IPO7: variants seen among roughly 807,000 people sequenced by gnomAD.
IPO7 encodes importin-7.
A neutral mutation model predicts 136.4 loss-of-function variants in IPO7; 13 were observed. That is an observed-to-expected ratio of 0.10 (90% CI 0.06 to 0.15). IPO7 has a LOEUF of 0.15. IPO7 is among the 10% of genes least tolerant of loss of function. The probability of loss-of-function intolerance (pLI) is 1.00; values close to 1 mark genes in which losing one functional copy is unlikely to be tolerated. For missense variants in IPO7, 857 were observed against 1,240.6 expected (o/e 0.69, Z 4.65); for synonymous variants, 403 against 404.4 (o/e 1.00, Z 0.04).
At position 9,446,385 on chromosome 11, in the gene IPO7, CT is replaced by C; in HGVS notation, c.*1193del. 6.6e-6 allele frequency: 1 copy of C among 152,316 alleles called. No homozygotes were observed. The highest frequency in any genetic ancestry group is 1.5e-5 in the Non-Finnish European group (1 of 68,040). The allele number at this position is 152,316 out of a possible 1,614,324, so 9.4% of individuals were successfully genotyped here. The stretch of plus-strand genomic sequence containing the variant: ...CCCTTTCCCCATCTCTTCTACCGCT[CT>C]TGTTGATCGTGGTATCTGATCTTGA... On this transcript the variant is annotated 3_prime_UTR_variant, in exon 25 of 25. Coordinates refer to ENST00000379719, the MANE Select transcript of IPO7 (RefSeq NM_006391.3).
intron 2 of IPO7, among the ~76,000 whole-genome samples, chr11:9,405,806 T>G (rs1854874395): frequency 6.6e-6 from 1 of 152,194 alleles, no homozygotes. Flanking sequence ...TATTTCTAAT[T>G]TAATAGAAAA....
intron 6 of IPO7, among the ~76,000 whole-genome samples, chr11:9,419,645 G>A (rs1855099409): frequency 6.8e-6 from 1 of 147,284 alleles, no homozygotes; most frequent in Non-Finnish European, 1.5e-5. Context: ...TTCAGTGATT[G>A]TATAGGAGTC....
At chr11:9,414,598 A>G in intron 5 of IPO7, 187 bp downstream of exon 5, 1 of 354,998 alleles carries the variant, frequency 2.8e-6, no homozygotes, top group Non-Finnish European at 5.0e-6. Context: ...CTCCCCAAAT[A>G]CATAAACAAC....
chr11:9,423,827 T>C lies in IPO7; in HGVS notation c.1092T>C (p.Asp364=), dbSNP rs529474841. 1.7e-5 allele frequency: 28 copies of C among 1,610,964 alleles called. No homozygotes were observed. The South Asian group carries it at 2.6e-4, about 15-fold the overall frequency. ...CATTGATGTGCTATACAGATGCTGA[T>C]GAGGAACTTTGGCAAGAAGACCCTT... ...IFPLMCYTDA[D]EELWQEDPYE... Residue 364 remains aspartate (D), a synonymous_variant, in exon 10 of 25, where the codon GAT becomes GAC. Coordinates refer to ENST00000379719, the MANE Select transcript of IPO7 (RefSeq NM_006391.3).
At chr11:9,441,037 A>G (rs564252349) in intron 23 of IPO7, among the ~76,000 whole-genome samples, 9 of 152,180 alleles carry the variant, frequency 5.9e-5, no homozygotes, top group Admixed American at 2.0e-4. Flanking sequence ...GCCCAAACCT[A>G]TACTTAACGT....
chr11:9,424,331 G>T (rs1855173495), intron 10 of IPO7, among the ~76,000 whole-genome samples: 1 of 152,146 alleles, frequency 6.6e-6, no homozygotes, highest in South Asian at 2.1e-4. Context: ...TTGTACTTTT[G>T]TGACCCTGTT....
chr11:9,403,076 A>C (rs1854825275), intron 1 of IPO7: 1 of 563,608 alleles, frequency 1.8e-6, no homozygotes, highest in African/African-American at 1.9e-5. Context: ...GCAGTGCTAT[A>C]CAGGCTAATG....
At chr11:9,389,828 C>G (rs1313168568) in intron 1 of IPO7, among the ~76,000 whole-genome samples, 2 of 151,726 alleles carry the variant, frequency 1.3e-5, no homozygotes, top group Admixed American at 1.3e-4. Context: ...TGGTGCCATC[C>G]GGCTCACTGC....
chr11:9,391,683 G>A (rs1295402714), intron 1 of IPO7, among the ~76,000 whole-genome samples: 3 of 152,162 alleles, frequency 2.0e-5, no homozygotes, highest in African/African-American at 4.8e-5. Context: ...CAGCCTGGGC[G>A]ACAGCAAGAC....
intron 16 of IPO7, among the ~76,000 whole-genome samples, chr11:9,432,474 T>C (rs1298287191): frequency 6.6e-6 from 1 of 152,184 alleles, no homozygotes; most frequent in Non-Finnish European, 1.5e-5. Flanking sequence ...GTGCAGAAAT[T>C]ACAGGCGTGA....
At chr11:9,435,415 T>C (rs1403205991) in intron 19 of IPO7, among the ~76,000 whole-genome samples, 3 of 152,168 alleles carry the variant, frequency 2.0e-5, no homozygotes, top group African/African-American at 4.8e-5. Flanking sequence ...GAAATGAATG[T>C]CCCCCTTTTG....
rs773411937 is a variant in IPO7, at chr11:9,438,260, T to G, written c.2670T>G (p.Asp890Glu). Reference sequence around the variant, plus strand: ...ATGAGAATGACAGTGATGATGATGATGAAGCTGAAGATGATGATGAAACCG... The same window carrying G: ...ATGAGAATGACAGTGATGATGATGAGGAAGCTGAAGATGATGATGAAACCG... ...AEHENDSDDDDEAEDDDETEE... is the reference protein window; with the variant it reads ...AEHENDSDDDEEAEDDDETEE... Residue 890 changes from aspartate (D) to glutamate (E), a missense_variant, in exon 22 of 25, where the codon GAT becomes GAG. Coordinates refer to ENST00000379719, the MANE Select transcript of IPO7 (RefSeq NM_006391.3). 1.2e-5 allele frequency: 18 copies of G among 1,563,424 alleles called. No individual in the cohort carries two copies. Among genetic ancestry groups the G allele is most frequent in the Non-Finnish European group, 1.5e-5 (17 of 1,135,302 alleles).
intron 1 of IPO7, among the ~76,000 whole-genome samples, chr11:9,396,223 G>A (rs894700243): frequency 2.0e-5 from 3 of 151,678 alleles, no homozygotes; most frequent in East Asian, 2.0e-4. Context: ...TGGTGAAAAC[G>A]CCTCTACTAA....
intron 16 of IPO7, among the ~76,000 whole-genome samples, chr11:9,432,876 A>G (rs914419411): frequency 7.9e-5 from 12 of 152,306 alleles, no homozygotes; most frequent in African/African-American, 2.9e-4. Context: ...GATTCGTAGC[A>G]ATAATGCCTT....
chr11:9,438,287 T>A lies in IPO7; in HGVS notation c.2695+2T>A. ...AAGCTGAAGATGATGATGAAACCGG[T>A]AAGGGATTTTCAATGGAAGAAGACA... On this transcript the variant is annotated splice_donor_variant, in intron 22 of 24. Transcript: ENST00000379719. LOFTEE classifies it high-confidence loss of function. The A allele has an allele frequency of 7.1e-7, 1 of 1,401,548 alleles. No individual in the cohort carries two copies. Among genetic ancestry groups the A allele is most frequent in the Non-Finnish European group, 1.0e-6 (1 of 990,962 alleles). The allele number at this position is 1,401,548 out of a possible 1,614,324, so 86.8% of individuals were successfully genotyped here. A position where few individuals can be genotyped will look rare whatever the true frequency, so the allele number is the denominator to read the frequency against.
chr11:9,414,604 A>G lies in IPO7; in HGVS notation c.636+193A>G, dbSNP rs1590437437. On this transcript the variant is annotated intron_variant, in intron 5 of 24. Coordinates refer to ENST00000379719, the MANE Select transcript of IPO7 (RefSeq NM_006391.3). ...GCATACTTCCTCCCCAAATACATAAACAACCCTAATGAATCTTTTTTTTTT... is the reference window on the plus strand; with the variant it reads ...GCATACTTCCTCCCCAAATACATAAGCAACCCTAATGAATCTTTTTTTTTT... 6 of 286,382 alleles carry G rather than the reference A, an allele frequency of 2.1e-5. No individual in the cohort carries two copies. In the East Asian group the frequency reaches 3.1e-4, roughly 15 times the overall value. 17.7% of individuals were successfully genotyped at this position (286,382 alleles called of 1,614,324 possible).
chr11:9,413,369 A>G (rs550192986), intron 4 of IPO7, among the ~76,000 whole-genome samples: 1 of 152,288 alleles, frequency 6.6e-6, no homozygotes, highest in East Asian at 1.9e-4. Context: ...TCTGCTTTAT[A>G]CATACCATTT....
chr11:9,429,618 C>T, intron 14 of IPO7, 56 bp from the exon 15 acceptor site: 1 of 1,378,174 alleles, frequency 7.3e-7, no homozygotes, highest in Non-Finnish European at 1.0e-6. Context: ...TTTGTTATAT[C>T]AGGTTTTAAG....
At chr11:9,398,537 A>C (rs934582106) in intron 1 of IPO7, among the ~76,000 whole-genome samples, 7 of 152,246 alleles carry the variant, frequency 4.6e-5, no homozygotes, top group Non-Finnish European at 7.3e-5. Context: ...AGGTAGAAAG[A>C]CACAGCATGT....
Sources: allele counts gnomAD v4.1 joint callset (sites outside exome capture counted in the v4.1 genomes callset), GRCh38; gene constraint gnomAD v4.1.1; transcripts MANE v1.5; gene names NCBI Gene and HGNC (gene_info 2026-07-23, HGNC 2026-07-21).